Variants in RPS6KC1 observed in about 807,000 individuals in gnomAD.
RPS6KC1 encodes the protein ribosomal protein S6 kinase C1, also known as inactive ribosomal protein S6 kinase delta-1.
In RPS6KC1, 54 loss-of-function variants were observed where a neutral mutation model predicts 103.8. The ratio of observed to expected loss-of-function variants is 0.52; its 90% CI spans 0.42 to 0.65. RPS6KC1 has a LOEUF of 0.65. Ranked by LOEUF, RPS6KC1 falls within the 30% of genes least tolerant of loss-of-function variation. RPS6KC1 has a pLI of 0.00. For missense variants in RPS6KC1, 1,151 were observed against 1,253.8 expected (o/e 0.92, Z 1.24); for synonymous variants, 439 against 438.7 (o/e 1.00, Z -0.01).
chr1:213,372,985 TG>T, the RPS6KC1 span, among the ~76,000 whole-genome samples: 1 of 152,242 alleles, frequency 6.6e-6, no homozygotes, highest in African/African-American at 2.4e-5. Context: ...AAGCTAATTG[TG>T]GAGTTTTAAA....
chr1:213,233,475 G>A (rs756566419), intron 10 of RPS6KC1, among the ~76,000 whole-genome samples: 3 of 152,146 alleles, frequency 2.0e-5, no homozygotes, highest in Non-Finnish European at 4.4e-5. Flanking sequence ...TTAGAACAAG[G>A]TCAGTAGGAT....
At chr1:213,568,342 T>C in the RPS6KC1 span, among the ~76,000 whole-genome samples, 17 of 152,324 alleles carry the variant, frequency 1.1e-4, no homozygotes, top group Admixed American at 9.1e-4. Flanking sequence ...GCCAGTCTTT[T>C]CCATGGGAGG....
intron 3 of RPS6KC1, among the ~76,000 whole-genome samples, chr1:213,085,288 C>T (rs1284165052): frequency 6.6e-6 from 1 of 152,160 alleles, no homozygotes; most frequent in Non-Finnish European, 1.5e-5. Context: ...GCCCTCGACT[C>T]TCTTATAAGG....
rs573283107 is a variant in RPS6KC1 at position 213,248,523 on chromosome 1, T to TACACTTC, written c.2911+5868_2911+5874dup. ...TTTTCCACTGAAGAAAATTTCTTGA[T>TACACTTC]ACACTTCACCACTGTATATCCATGA... On this transcript the variant is annotated intron_variant, in intron 12 of 14. Transcript: ENST00000366960. Among the ~76,000 whole-genome samples the TACACTTC allele has an allele frequency of 4.3e-3, 658 of 152,276 alleles. 2 individuals are homozygous for TACACTTC. Among genetic ancestry groups the TACACTTC allele is most frequent in the Non-Finnish European group, 7.1e-3 (486 of 68,014 alleles).
chr1:213,095,852 C>T (rs1218942277), intron 3 of RPS6KC1, among the ~76,000 whole-genome samples: 1 of 152,196 alleles, frequency 6.6e-6, no homozygotes, highest in African/African-American at 2.4e-5. Flanking sequence ...ATGTGGTAGT[C>T]TTTTTGCTCA....
At chr1:213,199,599 C>T (rs975687062) in intron 8 of RPS6KC1, among the ~76,000 whole-genome samples, 5 of 152,186 alleles carry the variant, frequency 3.3e-5, no homozygotes, top group African/African-American at 1.2e-4. Flanking sequence ...GACAAGGATG[C>T]CCTCCCTTGC....
chr1:213,309,203 G>A, the RPS6KC1 span, among the ~76,000 whole-genome samples: 1 of 152,184 alleles, frequency 6.6e-6, no homozygotes, highest in Admixed American at 6.5e-5. Context: ...GCTGAGGCAG[G>A]AGAATCACTT....
the RPS6KC1 span, among the ~76,000 whole-genome samples, chr1:213,444,335 G>A: frequency 6.1e-4 from 93 of 152,092 alleles, no homozygotes; most frequent in African/African-American, 2.1e-3. Context: ...GGTGGGGGGC[G>A]GGCACAGTTC....
chr1:213,698,142 G>A, the RPS6KC1 span, among the ~76,000 whole-genome samples: 2 of 152,120 alleles, frequency 1.3e-5, no homozygotes, highest in African/African-American at 4.8e-5. Flanking sequence ...GACTTATGTT[G>A]TGTTTATCAG....
At chr1:213,658,044 G>C in the RPS6KC1 span, among the ~76,000 whole-genome samples, 1 of 152,140 alleles carries the variant, frequency 6.6e-6, no homozygotes, top group Non-Finnish European at 1.5e-5. Flanking sequence ...TTTTGGATTG[G>C]GACAATCAAA....
At chr1:213,223,680 T>C (rs2093891783) in intron 8 of RPS6KC1, among the ~76,000 whole-genome samples, 1 of 152,224 alleles carries the variant, frequency 6.6e-6, no homozygotes, top group Non-Finnish European at 1.5e-5. Context: ...TGTATATGCA[T>C]GTGTCTTTTT....
At chr1:213,673,123 C>A in the RPS6KC1 span, among the ~76,000 whole-genome samples, 80 of 152,220 alleles carry the variant, frequency 5.3e-4, no homozygotes, top group Middle Eastern at 3.4e-3. Context: ...TGATTTAGAG[C>A]CTCTGAGCAG....
At chr1:213,450,501 G>T in the RPS6KC1 span, among the ~76,000 whole-genome samples, 1 of 152,094 alleles carries the variant, frequency 6.6e-6, no homozygotes, top group Non-Finnish European at 1.5e-5. Context: ...TTGTGTGGGT[G>T]CCTGTGGTGG....
chr1:213,604,851 G>A, the RPS6KC1 span, among the ~76,000 whole-genome samples: 3 of 152,202 alleles, frequency 2.0e-5, no homozygotes, highest in African/African-American at 7.2e-5. Context: ...GTCTGGGGAA[G>A]GGTGGGCAAG....
chr1:213,563,619 G>A, the RPS6KC1 span, among the ~76,000 whole-genome samples: 1 of 151,890 alleles, frequency 6.6e-6, no homozygotes, highest in Non-Finnish European at 1.5e-5. Context: ...TTCTTTAGAG[G>A]TAAACTTAAC....
At chr1:213,367,073 T>G in the RPS6KC1 span, among the ~76,000 whole-genome samples, 4 of 152,240 alleles carry the variant, frequency 2.6e-5, no homozygotes, top group Non-Finnish European at 4.4e-5. Flanking sequence ...ACCATTCAGG[T>G]TGCTCTCCTC....
the RPS6KC1 span, among the ~76,000 whole-genome samples, chr1:213,673,785 C>G: frequency 6.6e-6 from 1 of 152,098 alleles, no homozygotes; most frequent in Admixed American, 6.5e-5. Context: ...TTTTTCCTTT[C>G]TTCAATCTTA....
the RPS6KC1 span, among the ~76,000 whole-genome samples, chr1:213,771,257 T>C: frequency 6.6e-6 from 1 of 152,112 alleles, no homozygotes; most frequent in Admixed American, 6.6e-5. Flanking sequence ...GTATCCTGTC[T>C]TGGGTCAGTC....
the RPS6KC1 span, among the ~76,000 whole-genome samples, chr1:213,451,583 T>C: frequency 6.6e-6 from 1 of 152,232 alleles, no homozygotes; most frequent in African/African-American, 2.4e-5. Context: ...CTCCTGAGTC[T>C]GCACTGACTT....
Sources: gnomAD v4.1 joint callset for allele counts (sites outside exome capture counted in the v4.1 genomes callset) on GRCh38, gnomAD v4.1.1 for gene constraint, MANE v1.5 for transcripts, NCBI Gene and HGNC (gene_info 2026-07-23, HGNC 2026-07-21) for gene names.